The following CHSY3 variants were observed in gnomAD, a reference collection of about 807,000 sequenced individuals.
CHSY3 encodes N-acetylgalactosaminyl-proteoglycan 3-beta-glucuronosyltransferase 3.
In CHSY3, 35 loss-of-function variants were observed where a neutral mutation model predicts 67.2. The ratio of observed to expected loss-of-function variants is 0.52; its 90% CI spans 0.40 to 0.69. CHSY3 has a LOEUF of 0.69. Ranked by LOEUF, CHSY3 falls within the 30% of genes least tolerant of loss-of-function variation. The pLI is 0.00. For synonymous variants in CHSY3, 474 were observed against 434.7 expected (o/e 1.09, Z -1.12); for missense variants, 1,069 against 1,138.5 (o/e 0.94, Z 0.88).
In CHSY3 at chr5:130,054,896, C is replaced by T. The variant is rs184836503; in HGVS notation, c.1087-129333C>T. Among the ~76,000 whole-genome samples the T allele has an allele frequency of 3.6e-3, 545 of 152,226 alleles. 4 individuals are homozygous for T. The highest frequency in any genetic ancestry group is 0.013 in the African/African-American group (530 of 41,524). The stretch of plus-strand genomic sequence containing the variant: ...CTCTAGGTATGGAGGCTTTCTGATC[C>T]TACCTAATGTAGTCAGCCACCTGGG... On this transcript the variant is annotated intron_variant, in intron 2 of 2. Transcript: ENST00000305031.
chr5:130,038,581 G>A (rs745746838), intron 2 of CHSY3, among the ~76,000 whole-genome samples: 7 of 152,116 alleles, frequency 4.6e-5, no homozygotes, highest in Non-Finnish European at 1.0e-4. Flanking sequence ...GCACATTCAA[G>A]CCTTAAAGAT....
At chr5:130,087,789 C>T (rs6868699) in intron 2 of CHSY3, among the ~76,000 whole-genome samples, 73,831 of 149,666 alleles carry the variant, frequency 0.49, 19,078 homozygotes, top group African/African-American at 0.65. Flanking sequence ...ATGGCCATAC[C>T]GCCCAAGGTA....
chr5:130,143,506 T>G (rs1041139832), intron 2 of CHSY3, among the ~76,000 whole-genome samples: 2 of 151,798 alleles, frequency 1.3e-5, no homozygotes, highest in Admixed American at 1.3e-4. Context: ...TCTGTGTTGT[T>G]GCATGGAGCG....
At chr5:130,148,743 T>A (rs1580781909) in intron 2 of CHSY3, among the ~76,000 whole-genome samples, 1 of 152,092 alleles carries the variant, frequency 6.6e-6, no homozygotes, top group African/African-American at 2.4e-5. Flanking sequence ...TTTAATGGGG[T>A]TTTTTGTTTT....
Position 129,905,509 on chromosome 5 carries a change from C to G in CHSY3, c.680C>G (p.Pro227Arg), listed in dbSNP as rs371069959. Residue 227 changes from proline to arginine, a missense_variant, in exon 1 of 3, where the codon CCG (proline) becomes CGG (arginine). This residue lies in a region of CHSY3 where 216 missense variants were observed against 311.5 expected (regional missense o/e 0.69). Transcript: ENST00000305031. ...PPPPLPVIAL[P>R]GVDDSYPPQK... is the part of the protein sequence containing the mutation. ...CCACCCCTGCCTGTCATCGCGCTAC[C>G]GGGTGTGGACGACTCCTATCCTCCC... 5 of 1,613,300 alleles carry G rather than the reference C, an allele frequency of 3.1e-6. No homozygotes were observed. The highest frequency in any genetic ancestry group is 4.2e-6 in the Non-Finnish European group (5 of 1,180,032).
intron 2 of CHSY3, among the ~76,000 whole-genome samples, chr5:130,035,886 G>GTTTTTTTTTTTTT (rs1180462327): frequency 4.6e-5 from 3 of 65,558 alleles, no homozygotes; most frequent in Non-Finnish European, 6.1e-5. Flanking sequence ...TCATTTGGTT[G>GTTTTTTTTTTTTT]TTTTTTTTTT....
chr5:130,123,927 C>T (rs530242224), intron 2 of CHSY3, among the ~76,000 whole-genome samples: 5 of 143,878 alleles, frequency 3.5e-5, no homozygotes, highest in Non-Finnish European at 6.0e-5. Context: ...GGTGTGGTGG[C>T]GGGGGCCTGT....
intron 2 of CHSY3, among the ~76,000 whole-genome samples, chr5:129,997,004 T>C (rs115856323): frequency 0.016 from 2,420 of 152,176 alleles, 53 homozygotes; most frequent in African/African-American, 0.054. Context: ...GTTTTGTTCA[T>C]AACTATGCCT....
intron 2 of CHSY3, among the ~76,000 whole-genome samples, chr5:130,087,662 G>C (rs1483717563): frequency 6.6e-6 from 1 of 152,184 alleles, no homozygotes; most frequent in African/African-American, 2.4e-5. Flanking sequence ...ACTTACATGG[G>C]ACGTGAAGGA....
chr5:129,995,711 C>T (rs1763518861), intron 2 of CHSY3, among the ~76,000 whole-genome samples: 1 of 152,020 alleles, frequency 6.6e-6, no homozygotes, highest in Non-Finnish European at 1.5e-5. Flanking sequence ...AACAACTACA[C>T]TGTTATCCAC....
At chr5:129,974,330 T>C (rs539483816) in intron 2 of CHSY3, among the ~76,000 whole-genome samples, 1 of 152,184 alleles carries the variant, frequency 6.6e-6, no homozygotes, top group Non-Finnish European at 1.5e-5. Flanking sequence ...TTCTGTGGGC[T>C]TACCCTGACT....
intron 2 of CHSY3, among the ~76,000 whole-genome samples, chr5:129,998,363 A>C (rs1309836155): frequency 6.6e-6 from 1 of 152,206 alleles, no homozygotes; most frequent in Non-Finnish European, 1.5e-5. Context: ...TAAGGATATA[A>C]ATCCCTAAAT....
At position 129,905,080 on chromosome 5, in the gene CHSY3, A is replaced by T. The variant is rs1457115389; in HGVS notation, c.251A>T (p.Gln84Leu). The stretch of plus-strand genomic sequence containing the variant: ...CCGCCCCCCGCGCGCCAGGATCTCC[A>T]GGGGCCACCGCTGCCCGAGGCAGCA... ...QSPPPARQDL[Q>L]GPPLPEAAPG... is the part of the protein sequence containing the mutation. The change falls in exon 1 of 3, where the codon CAG becomes CTG. Residue 84 changes from glutamine to leucine, a missense_variant. By Grantham distance (113) the Gln-to-Leu change is moderately radical. Coordinates refer to ENST00000305031, the MANE Select transcript of CHSY3 (RefSeq NM_175856.5). 3.9e-6 allele frequency: 6 copies of T among 1,543,810 alleles called. No homozygotes were observed. Among genetic ancestry groups the T allele is most frequent in the Non-Finnish European group, 5.2e-6 (6 of 1,151,042 alleles).
intron 2 of CHSY3, among the ~76,000 whole-genome samples, chr5:130,060,407 G>A (rs900479567): frequency 1.3e-5 from 2 of 151,968 alleles, no homozygotes; most frequent in Non-Finnish European, 2.9e-5. Context: ...CATAGACAGA[G>A]CATACCCCTA....
At chr5:130,138,669 G>C (rs1247070486) in intron 2 of CHSY3, among the ~76,000 whole-genome samples, 1 of 152,152 alleles carries the variant, frequency 6.6e-6, no homozygotes, top group African/African-American at 2.4e-5. Context: ...AATTGGCAAG[G>C]ATAATATAAA....
intron 2 of CHSY3, among the ~76,000 whole-genome samples, chr5:130,006,660 T>C (rs1763886161): frequency 6.6e-6 from 1 of 152,190 alleles, no homozygotes; most frequent in Admixed American, 6.5e-5. Context: ...TCAACAATAT[T>C]TTGTGAAATA....
At chr5:130,016,225 G>T (rs1764215455) in intron 2 of CHSY3, among the ~76,000 whole-genome samples, 1 of 151,992 alleles carries the variant, frequency 6.6e-6, no homozygotes, top group Admixed American at 6.6e-5. Flanking sequence ...ATAAAATTTG[G>T]AAGAAACAAA....
At chr5:129,929,607 A>G (rs185894384) in intron 2 of CHSY3, among the ~76,000 whole-genome samples, 61 of 152,358 alleles carry the variant, frequency 4.0e-4, no homozygotes, top group African/African-American at 2.2e-4. Flanking sequence ...TCAAAAATAT[A>G]TACACATAGT....
intron 2 of CHSY3, among the ~76,000 whole-genome samples, chr5:130,089,576 G>A (rs1364225197): frequency 1.3e-5 from 2 of 152,040 alleles, no homozygotes; most frequent in Non-Finnish European, 2.9e-5. Context: ...ATCTATTTGT[G>A]ACAGGAGAAA....
Sources: allele counts gnomAD v4.1 joint callset (sites outside exome capture counted in the v4.1 genomes callset), GRCh38; gene constraint gnomAD v4.1.1; regional missense constraint gnomAD v4.1.1; transcripts MANE v1.5; gene names NCBI Gene and HGNC (gene_info 2026-07-23, HGNC 2026-07-21).